The following NHS variants were observed in gnomAD, a reference collection of about 807,000 sequenced individuals.
NHS encodes NHS actin remodeling regulator.
NHS carries 5 observed loss-of-function variants against 72.5 expected under a neutral mutation model. That is an observed-to-expected ratio of 0.07 (90% confidence interval 0.04 to 0.14). The LOEUF is 0.14. Among genes scored for constraint, NHS ranks in the 10% least tolerant of loss-of-function variants. The pLI, the probability that NHS is intolerant of heterozygous loss-of-function variation, is 1.00. For synonymous variants in NHS, 464 were observed against 547.7 expected (o/e 0.85, Z 2.13); for missense variants, 1,072 against 1,355.7 (o/e 0.79, Z 3.29).
At chrX:17,401,173 C>G (rs1345889985) in intron 1 of NHS, among the ~76,000 whole-genome samples, 1 of 112,145 alleles carries the variant, frequency 8.9e-6, no homozygotes, top group Non-Finnish European at 1.9e-5. Flanking sequence ...GGTGCTGGGA[C>G]AGCTGAATAT....
chrX:17,537,563 A>T (rs1408584551), intron 1 of NHS, among the ~76,000 whole-genome samples: 2 of 112,521 alleles, frequency 1.8e-5, no homozygotes, highest in African/African-American at 6.5e-5. Flanking sequence ...ACAAAGTTGA[A>T]CTTCAAAAAA....
At chrX:17,389,633 G>A (rs1472145963) in intron 1 of NHS, among the ~76,000 whole-genome samples, 3 of 100,533 alleles carry the variant, frequency 3.0e-5, no homozygotes, top group Non-Finnish European at 5.7e-5. Flanking sequence ...ACAGAGTCTC[G>A]CCCTGTCATC....
intron 1 of NHS, among the ~76,000 whole-genome samples, chrX:17,545,410 G>T (rs1164833241): frequency 1.8e-5 from 2 of 112,027 alleles, no homozygotes; most frequent in Admixed American, 9.5e-5. Flanking sequence ...AGAGTTTTCC[G>T]TTGGATCGTC....
At chrX:17,388,777 G>A (rs759474400) in intron 1 of NHS, among the ~76,000 whole-genome samples, 1 of 110,196 alleles carries the variant, frequency 9.1e-6, no homozygotes, top group South Asian at 4.0e-4. Context: ...GATCACTTTG[G>A]GTATTGTGGC....
At position 17,728,661 on chromosome X, in the gene NHS, G is replaced by A; in HGVS notation, c.4235G>A (p.Ser1412Asn). The A allele has an allele frequency of 8.3e-7, 1 of 1,210,799 alleles. No homozygotes were observed. Among genetic ancestry groups the A allele is most frequent in the African/African-American group, 1.7e-5 (1 of 57,584 alleles). The change falls in exon 8 of 9, where the codon AGT becomes AAT. Residue 1412 changes from serine to asparagine, a missense_variant. By Grantham distance (46) the Ser-to-Asn change is conservative (BLOSUM62 1). Transcript: ENST00000676302. ...DEASLKESSP[S>N]DDSIISPLSE... ...TTCTTATTTTAAGAATCATCACCGA[G>A]TGATGACTCCATCATTTCACCACTT...
intron 1 of NHS, among the ~76,000 whole-genome samples, chrX:17,602,282 A>C (rs1024387168): frequency 8.9e-6 from 1 of 112,262 alleles, no homozygotes; most frequent in Non-Finnish European, 1.9e-5. Context: ...TGATAATCTG[A>C]GAAATCATTT....
chrX:17,469,998 G>T lies in NHS; in HGVS notation c.565+93676G>T, dbSNP rs185778935. ...TTAAGAGTTTGAAAAGAGATGATTT[G>T]GGTTTATTGTTTTCACTTGAGAAAG... On this transcript the variant is annotated intron_variant, in intron 1 of 8. Coordinates refer to ENST00000676302, the MANE Select transcript of NHS (RefSeq NM_001291867.2). Among the ~76,000 whole-genome samples the T allele has an allele frequency of 3.1e-4, 34 of 111,044 alleles. 1 individual carries two copies. The Admixed American group carries it at 3.2e-3, about 10-fold the overall frequency.
chrX:17,375,299 G>A lies in NHS; in HGVS notation c.-459G>A. The A allele has an allele frequency of 3.4e-6, 1 of 297,086 alleles. No homozygotes were observed. Among genetic ancestry groups the A allele is most frequent in the Non-Finnish European group, 5.9e-6 (1 of 170,275 alleles). The allele number at this position is 297,086 out of a possible 1,213,427, so 24.5% of individuals were successfully genotyped here. A position where few individuals can be genotyped will look rare whatever the true frequency, so the allele number is the denominator to read the frequency against. On this transcript the variant is annotated 5_prime_UTR_variant, in exon 1 of 9. Coordinates refer to ENST00000676302, the MANE Select transcript of NHS (RefSeq NM_001291867.2). ...CCGAGGGGCGCGCGGGGAGAGGCCT[G>A]CGCCGGGGTACTTTCAAACTGAGGC...
intron 1 of NHS, among the ~76,000 whole-genome samples, chrX:17,521,472 C>T (rs111957645): frequency 0.034 from 3,702 of 109,306 alleles, 200 homozygotes; most frequent in African/African-American, 0.12. Flanking sequence ...AAGCGATCCT[C>T]CTACCTCAGC....
intron 1 of NHS, among the ~76,000 whole-genome samples, chrX:17,405,244 A>G (rs1601691297): frequency 8.9e-6 from 1 of 112,202 alleles, no homozygotes; most frequent in East Asian, 2.8e-4. Flanking sequence ...ACCCCCACTC[A>G]TATTCCATTG....
At chrX:17,448,738 C>G (rs918956815) in intron 1 of NHS, among the ~76,000 whole-genome samples, 2 of 111,658 alleles carry the variant, frequency 1.8e-5, no homozygotes, top group Admixed American at 1.9e-4. Flanking sequence ...GAATTTTTGT[C>G]ATCTATAGCC....
chrX:17,500,508 T>C (rs1472465057), intron 1 of NHS, among the ~76,000 whole-genome samples: 1 of 111,746 alleles, frequency 8.9e-6, no homozygotes, highest in African/African-American at 3.3e-5. Flanking sequence ...CTGGCTGTGA[T>C]CCCATTGTTG....
At chrX:17,508,470 GTTGT>G (rs199911337) in intron 1 of NHS, among the ~76,000 whole-genome samples, 10,482 of 110,429 alleles carry the variant, frequency 0.095, 446 homozygotes, top group South Asian at 0.17. Flanking sequence ...CTTTTTTGTT[GTTGT>G]TTGTTTGTTT....
intron 1 of NHS, among the ~76,000 whole-genome samples, chrX:17,415,591 G>A: frequency 8.9e-6 from 1 of 111,986 alleles, no homozygotes; most frequent in East Asian, 2.8e-4. Flanking sequence ...TTCCTTTATT[G>A]TTGAAATGAC....
chrX:17,521,700 T>A (rs1435407266), intron 1 of NHS, among the ~76,000 whole-genome samples: 1 of 112,086 alleles, frequency 8.9e-6, no homozygotes, highest in Non-Finnish European at 1.9e-5. Flanking sequence ...ATCTATTACA[T>A]CTAATGCATT....
intron 1 of NHS, among the ~76,000 whole-genome samples, chrX:17,560,583 C>T (rs1233316685): frequency 1.8e-5 from 2 of 111,893 alleles, no homozygotes; most frequent in African/African-American, 3.3e-5. Flanking sequence ...CCCATGAGAT[C>T]GGGATGGTAT....
chrX:17,409,114 G>T (rs907873674), intron 1 of NHS, among the ~76,000 whole-genome samples: 9 of 112,299 alleles, frequency 8.0e-5, no homozygotes, highest in African/African-American at 2.9e-4. Flanking sequence ...CAGCCCCACT[G>T]GGGGTTAGGG....
intron 1 of NHS, among the ~76,000 whole-genome samples, chrX:17,661,507 C>T (rs2065982662): frequency 9.0e-6 from 1 of 111,026 alleles, no homozygotes; most frequent in Non-Finnish European, 1.9e-5. Context: ...TTACTTTTCT[C>T]TGGCAAGTCA....
intron 1 of NHS, among the ~76,000 whole-genome samples, chrX:17,493,788 T>G (rs1382537522): frequency 8.9e-6 from 1 of 111,861 alleles, no homozygotes; most frequent in Non-Finnish European, 1.9e-5. Context: ...ATTCTGTAGT[T>G]ACATAACAGT....
Sources: gnomAD v4.1 joint callset for allele counts (sites outside exome capture counted in the v4.1 genomes callset) on GRCh38, gnomAD v4.1.1 for gene constraint, MANE v1.5 for transcripts, NCBI Gene and HGNC (gene_info 2026-07-23, HGNC 2026-07-21) for gene names.